SLC6A20: variants seen among roughly 807,000 people sequenced by gnomAD.
SLC6A20 encodes sodium- and chloride-dependent transporter XTRP3.
A neutral mutation model predicts 64.3 loss-of-function variants in SLC6A20; 73 were observed. The ratio of observed to expected loss-of-function variants is 1.14; its 90% CI spans 0.94 to 1.38. SLC6A20 has a LOEUF of 1.38. Among genes scored for constraint, SLC6A20 ranks in the 40% most tolerant of loss-of-function variants. The pLI, the probability that SLC6A20 is intolerant of heterozygous loss-of-function variation, is 0.00. For synonymous variants in SLC6A20, 347 were observed against 329.6 expected, an observed-to-expected ratio of 1.05 and a Z score of -0.57; for missense variants, 725 against 772.8, an observed-to-expected ratio of 0.94 and a Z score of 0.73.
intron 1 of SLC6A20, among the ~76,000 whole-genome samples, chr3:45,791,088 A>G (rs954992198): frequency 1.3e-5 from 2 of 152,168 alleles, no homozygotes; most frequent in Admixed American, 1.3e-4. Context: ...GAGTTATTTC[A>G]GCGAAGCCTC....
In SLC6A20 at chr3:45,759,905, G is replaced by A. The variant is rs562639678; in HGVS notation, c.1581C>T (p.Asp527=). 2 of 1,614,190 alleles carry A rather than the reference G, an allele frequency of 1.2e-6. No individual in the cohort carries two copies. The highest frequency in any genetic ancestry group is 1.7e-6 in the Non-Finnish European group (2 of 1,180,032). ...ACTTCAGGGTCCCCGTGAGGATGTA[G>A]TCGCTCAGGTAGAAGACAAAGAGGC... ...IVSLFVFYLS[D]YILTGTLKYQ... Residue 527 remains aspartate (D), a synonymous_variant, in exon 10 of 11, where the codon GAC becomes GAT. Transcript: ENST00000358525.
At position 45,774,820 on chromosome 3, in the gene SLC6A20, TG is replaced by T. The variant is rs1287385234; in HGVS notation, c.582+940del. Reference sequence around the variant, plus strand: ...CTATGTGGCTACCAAACCAAGACAATGGGAAGTCTTGGGGTGAGGCTGGGCT... The same window carrying T: ...CTATGTGGCTACCAAACCAAGACAATGGAAGTCTTGGGGTGAGGCTGGGCT... On this transcript the variant is annotated intron_variant, in intron 4 of 10. Coordinates refer to ENST00000358525, the MANE Select transcript of SLC6A20 (RefSeq NM_020208.4). Among the ~76,000 whole-genome samples the T allele has an allele frequency of 3.3e-5, 5 of 152,056 alleles. No individual in the cohort carries two copies. In the East Asian group the frequency reaches 9.6e-4, roughly 29 times the overall value.
intron 4 of SLC6A20, among the ~76,000 whole-genome samples, chr3:45,774,194 T>C (rs1193588474): frequency 6.6e-6 from 1 of 152,204 alleles, no homozygotes; most frequent in Non-Finnish European, 1.5e-5. Flanking sequence ...CATAGAGCTG[T>C]TGGGGTACTT....
At chr3:45,783,987 T>C (rs1232391843) in intron 1 of SLC6A20, among the ~76,000 whole-genome samples, 1 of 152,244 alleles carries the variant, frequency 6.6e-6, no homozygotes, top group Non-Finnish European at 1.5e-5. Flanking sequence ...CACTGAGACT[T>C]TGAAGCCACA....
At position 45,765,488 on chromosome 3, in the gene SLC6A20, G is replaced by A. The variant is rs1430338317; in HGVS notation, c.1303+49C>T. 15 of 1,570,978 alleles carry A rather than the reference G, an allele frequency of 9.5e-6. No homozygotes were observed. Among genetic ancestry groups the A allele is most frequent in the Middle Eastern group, 2.1e-4 (1 of 4,678 alleles). ...GGAGCTCTCCCCTGTTCACCCCCAC[G>A]CCTTGGCCCTCCTGACCCCTGCCTC... On this transcript the variant is annotated intron_variant, in intron 8 of 10. Coordinates refer to ENST00000358525, the MANE Select transcript of SLC6A20 (RefSeq NM_020208.4). The surrounding 1 kb of genome is among the most constrained non-coding windows in gnomAD (Gnocchi z 4.2).
intron 1 of SLC6A20, among the ~76,000 whole-genome samples, chr3:45,795,315 G>A (rs569812543): frequency 7.4e-6 from 1 of 135,508 alleles, no homozygotes; most frequent in South Asian, 2.6e-4. Context: ...CTTAATACAG[G>A]ATACGAGAAA....
In SLC6A20 at chr3:45,770,327, A is replaced by C; in HGVS notation, c.980T>G (p.Phe327Cys). ...CTGCTCCAGGTTGCTGGCTGTCAAA[A>C]AGCCATCTTCAAGGTCAAAAGTGTT... ...LTNTFDLEDG[F>C]LTASNLEQVK... is the part of the protein sequence containing the mutation. The change falls in exon 7 of 11, where the codon TTT becomes TGT. Residue 327 changes from phenylalanine (F) to cysteine (C), a missense_variant. Physicochemically the swap from Phe to Cys is radical, Grantham distance 205. Coordinates refer to ENST00000358525, the MANE Select transcript of SLC6A20 (RefSeq NM_020208.4). 6.2e-7 allele frequency: 1 copy of C among 1,614,198 alleles called. No homozygotes were observed. Among genetic ancestry groups the C allele is most frequent in the Non-Finnish European group, 8.5e-7 (1 of 1,180,030 alleles).
At chr3:45,789,124 A>T (rs1037955419) in intron 1 of SLC6A20, among the ~76,000 whole-genome samples, 2 of 152,158 alleles carry the variant, frequency 1.3e-5, no homozygotes, top group Non-Finnish European at 2.9e-5. Context: ...GTGTGCTAAA[A>T]TTTTTTTCTT....
chr3:45,758,113 TC>T lies in SLC6A20; in HGVS notation c.*864del, dbSNP rs1473328321. ...TTGTATTTTTAGTAGAAATGGGGTTTCGCCATGTTGGCCAGGCTGGCCTCAA... is the reference window on the plus strand; with the variant it reads ...TTGTATTTTTAGTAGAAATGGGGTTTGCCATGTTGGCCAGGCTGGCCTCAA... On this transcript the variant is annotated 3_prime_UTR_variant, in exon 11 of 11. Transcript: ENST00000358525. The T allele has an allele frequency of 6.3e-6, 1 of 159,028 alleles. No homozygotes were observed. Among genetic ancestry groups the T allele is most frequent in the East Asian group, 1.9e-4 (1 of 5,240 alleles). 9.9% of individuals were successfully genotyped at this position (159,028 alleles called of 1,614,324 possible).
In SLC6A20 at chr3:45,757,268, C is replaced by T. The variant is rs1354903760; in HGVS notation, c.*1710G>A. On this transcript the variant is annotated 3_prime_UTR_variant, in exon 11 of 11. Coordinates refer to ENST00000358525, the MANE Select transcript of SLC6A20 (RefSeq NM_020208.4). The stretch of plus-strand genomic sequence containing the variant: ...CCTCTTATCTCAACTGCAAAGAGGC[C>T]TCCCTCCTTCACTATTCCTCCTCAG... 6.6e-6 allele frequency: 1 copy of T among 151,572 alleles called. No homozygotes were observed. The highest frequency in any genetic ancestry group is 1.5e-5 in the Non-Finnish European group (1 of 68,022). 9.4% of individuals were successfully genotyped at this position (151,572 alleles called of 1,614,324 possible).
intron 7 of SLC6A20, among the ~76,000 whole-genome samples, chr3:45,767,097 G>C (rs1203958310): frequency 6.6e-6 from 1 of 152,210 alleles, no homozygotes; most frequent in Non-Finnish European, 1.5e-5. Flanking sequence ...CAGTTGCTCA[G>C]GGGCATACTG....
chr3:45,765,470 TC>T lies in SLC6A20; in HGVS notation c.1303+66del. The T allele has an allele frequency of 6.5e-7, 1 of 1,534,682 alleles. No homozygotes were observed. Among genetic ancestry groups the T allele is most frequent in the Non-Finnish European group, 8.8e-7 (1 of 1,133,818 alleles). The stretch of plus-strand genomic sequence containing the variant: ...CAGCCCATGACCCCTGAGGGAGCTC[TC>T]CCCTGTTCACCCCCACGCCTTGGCC... On this transcript the variant is annotated intron_variant, in intron 8 of 10. Coordinates refer to ENST00000358525, the MANE Select transcript of SLC6A20 (RefSeq NM_020208.4). This position sits in a 1 kb window ranked among gnomAD's most constrained non-coding sequence, Gnocchi z 4.2.
rs62245065 is a variant in SLC6A20, at chr3:45,777,859, G to A, written c.355-1871C>T. ...GCCTGCTTCCCAGGCTTGGCTACAC[G>A]ACTAAGGCACCCGGGGGTGATGCCC... On this transcript the variant is annotated intron_variant, in intron 3 of 10. Coordinates refer to ENST00000358525, the MANE Select transcript of SLC6A20 (RefSeq NM_020208.4). 4.1e-3 allele frequency among the ~76,000 whole-genome samples: 626 copies of A among 152,226 alleles called. 4 individuals are homozygous for A. The highest frequency in any genetic ancestry group is 5.9e-3 in the Non-Finnish European group (398 of 67,996).
chr3:45,769,472 T>TC (rs1699824205), intron 7 of SLC6A20, among the ~76,000 whole-genome samples: 3 of 146,400 alleles, frequency 2.0e-5, no homozygotes, highest in African/African-American at 7.9e-5. Flanking sequence ...GTAGCAAAAA[T>TC]TAAAAAAAAA....
intron 8 of SLC6A20, among the ~76,000 whole-genome samples, chr3:45,764,719 AAAAAAGGAAAAAAAC>A (rs1699745630): frequency 7.0e-6 from 1 of 142,368 alleles, no homozygotes; most frequent in South Asian, 2.2e-4. Context: ...AAAAAAAAAA[AAAAAAGGAAAAAAAC>A]CCCTAAAATG....
intron 3 of SLC6A20, among the ~76,000 whole-genome samples, chr3:45,779,613 G>A (rs191802264): frequency 6.6e-6 from 1 of 152,270 alleles, no homozygotes; most frequent in Non-Finnish European, 1.5e-5. Flanking sequence ...AAGAGGACAG[G>A]CCGTTGCTGT....
In SLC6A20 at chr3:45,770,316, T is replaced by G. The variant is rs886058542; in HGVS notation, c.991A>C (p.Ser331Arg). 8 of 1,614,116 alleles carry G rather than the reference T, an allele frequency of 5.0e-6. No homozygotes were observed. Among genetic ancestry groups the G allele is most frequent in the Non-Finnish European group, 6.8e-6 (8 of 1,180,050 alleles). Residue 331 changes from serine to arginine, a missense_variant, in exon 7 of 11, where the codon AGC (serine) becomes CGC (arginine). Physicochemically the swap from Ser to Arg is moderately radical, Grantham distance 110. Transcript: ENST00000358525. ...FDLEDGFLTA[S>R]NLEQVKGYLA... ...TAGCCCTTCACCTGCTCCAGGTTGC[T>G]GGCTGTCAAAAAGCCATCTTCAAGG... is the stretch of plus-strand genomic sequence containing the variant.
chr3:45,773,262 AAC>A (rs1699908086), intron 4 of SLC6A20, among the ~76,000 whole-genome samples: 1 of 152,230 alleles, frequency 6.6e-6, no homozygotes, highest in Non-Finnish European at 1.5e-5. Flanking sequence ...CCCCATAATA[AAC>A]ACAATAGGAA....
At chr3:45,767,975 TC>T (rs1359706937) in intron 7 of SLC6A20, among the ~76,000 whole-genome samples, 1 of 152,130 alleles carries the variant, frequency 6.6e-6, no homozygotes, top group Non-Finnish European at 1.5e-5. Flanking sequence ...AGAAAACTGT[TC>T]TAAATGAAAG....
Sources: allele counts gnomAD v4.1 joint callset (sites outside exome capture counted in the v4.1 genomes callset), GRCh38; gene constraint gnomAD v4.1.1; non-coding constraint Gnocchi (gnomAD v3.1); transcripts MANE v1.5; gene names NCBI Gene and HGNC (gene_info 2026-07-23, HGNC 2026-07-21).